Variants in AASS observed in about 807,000 individuals in gnomAD.
AASS encodes the protein alpha-aminoadipic semialdehyde synthase, mitochondrial.
Under a neutral mutation model 105.4 loss-of-function variants are expected in AASS, and 86 were observed. That is an observed-to-expected ratio of 0.82 (90% CI 0.69 to 0.98). The LOEUF (loss-of-function observed/expected upper bound fraction) is 0.98. AASS is among the 50% of genes least tolerant of loss of function. The pLI is 0.00. For missense variants in AASS, 1,048 were observed against 1,143.2 expected (o/e 0.92, Z 1.20); for synonymous variants, 381 against 394.8 (o/e 0.96, Z 0.41).
intron 2 of AASS, among the ~76,000 whole-genome samples, chr7:122,131,654 T>G (rs903079756): frequency 6.6e-6 from 1 of 152,010 alleles, no homozygotes; most frequent in African/African-American, 2.4e-5. Flanking sequence ...TTGTGTATAT[T>G]TCTAAACTCT....
Position 122,113,923 on chromosome 7 carries a change from C to CA in AASS, c.1044-204dup, listed in dbSNP as rs776611119. On this transcript the variant is annotated intron_variant, in intron 9 of 23. Transcript: ENST00000417368. ...TCTTCCCAGTATGAATTTTAGTCTCCAAAAAAAAAAAAAAAAAGAAAGAAA... is the reference window on the plus strand; with the variant it reads ...TCTTCCCAGTATGAATTTTAGTCTCCAAAAAAAAAAAAAAAAAAGAAAGAAA... Among the ~76,000 whole-genome samples the CA allele has an allele frequency of 0.085, 4,748 of 55,762 alleles. 141 individuals are homozygous for CA. Among genetic ancestry groups the CA allele is most frequent in the African/African-American group, 0.17 (2,610 of 15,812 alleles). The allele number at this position is 55,762 out of a possible 152,430, so 36.6% of individuals were successfully genotyped here.
chr7:122,079,198 T>C (rs1793187760), intron 21 of AASS: 19 of 1,402,164 alleles, frequency 1.4e-5, no homozygotes, highest in Non-Finnish European at 1.7e-5. Flanking sequence ...TGTAATCCCA[T>C]GTTCTTACAA....
At chr7:122,142,425 A>T (rs552935039) in intron 1 of AASS, among the ~76,000 whole-genome samples, 140 of 151,878 alleles carry the variant, frequency 9.2e-4, no homozygotes, top group Non-Finnish European at 1.5e-3. Flanking sequence ...TTAATCCCCC[A>T]CCCTTACATT....
At chr7:122,137,872 C>A (rs754395583) in intron 1 of AASS, among the ~76,000 whole-genome samples, 4 of 152,150 alleles carry the variant, frequency 2.6e-5, no homozygotes, top group Non-Finnish European at 5.9e-5. Context: ...TTACTCACCA[C>A]CAGCTCTAGT....
Position 122,075,115 on chromosome 7 carries a change from C to T in AASS, c.*1374G>A, listed in dbSNP as rs1318042657. On this transcript the variant is annotated 3_prime_UTR_variant, in exon 24 of 24. Transcript: ENST00000417368. ...GGCTGGTCTCCTGGCCTCTAGCAGT[C>T]TTTCTGCCTCAGACTCCCAAAGTGT... 6.6e-6 allele frequency among the ~76,000 whole-genome samples: 1 copy of T among 152,166 alleles called. No homozygotes were observed. Among genetic ancestry groups the T allele is most frequent in the African/African-American group, 2.4e-5 (1 of 41,442 alleles).
chr7:122,081,679 T>C, intron 19 of AASS, 84 bp from the exon 20 acceptor site: 1 of 891,098 alleles, frequency 1.1e-6, no homozygotes, highest in South Asian at 1.4e-5. Flanking sequence ...GAGGGATATA[T>C]CTTTGTAACT....
chr7:122,133,594 TGGGAGCTA>T lies in AASS; in HGVS notation c.125_132del (p.Leu42GlnfsTer25), dbSNP rs765630075. 6.8e-6 allele frequency: 11 copies of T among 1,614,084 alleles called. No individual in the cohort carries two copies. Among genetic ancestry groups the T allele is most frequent in the Non-Finnish European group, 9.3e-6 (11 of 1,180,044 alleles). The stretch of plus-strand genomic sequence containing the variant: ...AGATTGGTGATGCCTTTGATGTGCT[TGGGAGCTA>T]GCGGGGCCCTTCTCTCCCAGGCGTT... On this transcript the variant is annotated frameshift_variant, in exon 2 of 24. Coordinates refer to ENST00000417368, the MANE Select transcript of AASS (RefSeq NM_005763.4). LOFTEE classifies it high-confidence loss of function.
At position 122,116,659 on chromosome 7, in the gene AASS, G is replaced by T. The variant is rs772963588; in HGVS notation, c.868C>A (p.Arg290Ser). 6.2e-7 allele frequency: 1 copy of T among 1,614,008 alleles called. No homozygotes were observed. Among genetic ancestry groups the T allele is most frequent in the Non-Finnish European group, 8.5e-7 (1 of 1,179,978 alleles). ...DPAEYDKHPE[R>S]YISRFNTDIA... ...TCAGTATTAAAACGACTTATGTAGC[G>T]CTCCGGATGTTTGTCATACTCTGCA... Residue 290 changes from arginine (R) to serine (S), a missense_variant, in exon 8 of 24, where the codon CGC (arginine) becomes AGC (serine). Physicochemically the swap from Arg to Ser is moderately radical, Grantham distance 110. Coordinates refer to ENST00000417368, the MANE Select transcript of AASS (RefSeq NM_005763.4).
chr7:122,108,398 G>A (rs1794769310), intron 11 of AASS, among the ~76,000 whole-genome samples: 1 of 151,976 alleles, frequency 6.6e-6, no homozygotes, highest in African/African-American at 2.4e-5. Context: ...CAATATCCCT[G>A]AAGAACATAG....
In AASS at chr7:122,077,750, C is replaced by T. The variant is rs531058371; in HGVS notation, c.2662+88G>A. On this transcript the variant is annotated intron_variant, in intron 23 of 23. Coordinates refer to ENST00000417368, the MANE Select transcript of AASS (RefSeq NM_005763.4). ...TCACTTTTAGTAAATGCCTGTGTTA[C>T]GCTCAAGAGCAATTACTTGATGTCC... The T allele has an allele frequency of 5.1e-4, 766 of 1,502,970 alleles. 5 individuals are homozygous for T. Among genetic ancestry groups the T allele is most frequent in the Middle Eastern group, 3.8e-3 (22 of 5,768 alleles). The allele number at this position is 1,502,970 out of a possible 1,614,324, so 93.1% of individuals were successfully genotyped here. A position where few individuals can be genotyped will look rare whatever the true frequency, so the allele number is the denominator to read the frequency against.
intron 1 of AASS, among the ~76,000 whole-genome samples, chr7:122,139,782 T>C (rs1031965845): frequency 6.6e-6 from 1 of 151,996 alleles, no homozygotes; most frequent in Non-Finnish European, 1.5e-5. Flanking sequence ...CAAAACCCCA[T>C]CTCTACTAAA....
chr7:122,111,195 T>C (rs1404939465), intron 11 of AASS, among the ~76,000 whole-genome samples: 3 of 152,148 alleles, frequency 2.0e-5, no homozygotes, highest in East Asian at 3.9e-4. Context: ...CTATGTTCCA[T>C]GCAATAACGA....
At chr7:122,092,422 C>T (rs1301916189) in intron 17 of AASS, among the ~76,000 whole-genome samples, 1 of 152,018 alleles carries the variant, frequency 6.6e-6, no homozygotes, top group Non-Finnish European at 1.5e-5. Flanking sequence ...CTACCTAAGA[C>T]TTGGACATTG....
At position 122,133,709 on chromosome 7, in the gene AASS, C is replaced by T. The variant is rs755971697; in HGVS notation, c.18G>A (p.Arg6=). MLQVH[R]TGLGRLGVSL... ...TGACCCCCAGCCTGCCCAGTCCAGT[C>T]CTATGTACTTGCAGCATCTTGACAC... The change falls in exon 2 of 24, where the codon AGG becomes AGA. Residue 6 remains arginine (R), a synonymous_variant. Coordinates refer to ENST00000417368, the MANE Select transcript of AASS (RefSeq NM_005763.4). The T allele has an allele frequency of 4.3e-5, 69 of 1,614,002 alleles. 1 individual carries two copies. In the South Asian group the frequency reaches 7.4e-4, roughly 17 times the overall value.
chr7:122,086,878 C>A (rs1793653768), intron 18 of AASS, among the ~76,000 whole-genome samples: 1 of 152,180 alleles, frequency 6.6e-6, no homozygotes, highest in Non-Finnish European at 1.5e-5. Flanking sequence ...CAGTACTTCT[C>A]TTTCCCATAC....
intron 11 of AASS, 73 bp downstream of exon 11, chr7:122,113,045 G>T: frequency 8.1e-7 from 1 of 1,233,390 alleles, no homozygotes; most frequent in Non-Finnish European, 1.2e-6. Context: ...CAGAAGACCA[G>T]AACATTCACA....
chr7:122,112,093 C>G (rs1489751364), intron 11 of AASS, among the ~76,000 whole-genome samples: 1 of 152,136 alleles, frequency 6.6e-6, no homozygotes, highest in Non-Finnish European at 1.5e-5. Context: ...GCACCAACTC[C>G]AGACACATTG....
Position 122,077,972 on chromosome 7 carries a change from C to G in AASS, c.2528G>C (p.Gly843Ala), listed in dbSNP as rs770202556. The change falls in exon 23 of 24, where the codon GGA (glycine) becomes GCA (alanine). Residue 843 changes from glycine (G) to alanine (A), a missense_variant. By Grantham distance (60) the Gly-to-Ala change is moderately conservative (BLOSUM62 0). Coordinates refer to ENST00000417368, the MANE Select transcript of AASS (RefSeq NM_005763.4). ...TAAATGTCCAGAAGGATGTCTGATT[C>G]CAAAGCTGTCTCTCATCACAATCAT... ...KDMIVMRDSF[G>A]IRHPSGHLEH... 10 of 1,614,042 alleles carry G rather than the reference C, an allele frequency of 6.2e-6. No individual in the cohort carries two copies. Among genetic ancestry groups the G allele is most frequent in the Non-Finnish European group, 8.5e-6 (10 of 1,180,030 alleles).
chr7:122,089,120 G>A (rs948202677), intron 18 of AASS, among the ~76,000 whole-genome samples: 3 of 152,002 alleles, frequency 2.0e-5, no homozygotes, highest in African/African-American at 7.2e-5. Context: ...CTTAAGACCC[G>A]CTCCACAGTG....
Sources: allele counts gnomAD v4.1 joint callset (sites outside exome capture counted in the v4.1 genomes callset), GRCh38; gene constraint gnomAD v4.1.1; transcripts MANE v1.5; gene names NCBI Gene and HGNC (gene_info 2026-07-23, HGNC 2026-07-21).